The following GTF2I variants were observed in gnomAD, a reference collection of about 807,000 sequenced individuals.
GTF2I encodes general transcription factor IIi.
Under a neutral mutation model 67.6 loss-of-function variants are expected in GTF2I, and 12 were observed. That is an observed-to-expected ratio of 0.18 (90% confidence interval 0.11 to 0.29). The LOEUF is 0.29. Ranked by LOEUF, GTF2I falls within the 10% of genes least tolerant of loss-of-function variation. GTF2I has a pLI of 1.00. For synonymous variants in GTF2I, 149 were observed against 197.0 expected (o/e 0.76, Z 2.04); for missense variants, 271 against 580.1 (o/e 0.47, Z 5.47).
intron 1 of GTF2I, among the ~76,000 whole-genome samples, chr7:74,667,857 CAG>C (rs1345436944): frequency 6.9e-6 from 1 of 145,810 alleles, no homozygotes; most frequent in African/African-American, 2.6e-5. Context: ...TTTTTTGAGA[CAG>C]AGTCTTGCTT....
Position 74,685,745 on chromosome 7 carries a change from C to T in GTF2I, c.-5-3379C>T, listed in dbSNP as rs587773246. ...ACGTGCCACTGCACTCCAGCCTCGGCGATAGAGCTAGACTCCGTCTTAAAA... is the reference window on the plus strand; with the variant it reads ...ACGTGCCACTGCACTCCAGCCTCGGTGATAGAGCTAGACTCCGTCTTAAAA... On this transcript the variant is annotated intron_variant, in intron 1 of 34. Coordinates refer to ENST00000573035, the MANE Select transcript of GTF2I (RefSeq NM_032999.4). 4.6e-3 allele frequency among the ~76,000 whole-genome samples: 691 copies of T among 150,236 alleles called. 9 individuals are homozygous for T. The highest frequency in any genetic ancestry group is 0.016 in the African/African-American group (662 of 40,780).
chr7:74,667,990 C>T (rs587759253), intron 1 of GTF2I, among the ~76,000 whole-genome samples: 1 of 151,894 alleles, frequency 6.6e-6, no homozygotes, highest in East Asian at 1.9e-4. Context: ...CGCACCACCA[C>T]GCCCAGCTAA....
intron 3 of GTF2I, among the ~76,000 whole-genome samples, chr7:74,694,495 G>A (rs587624138): frequency 6.6e-5 from 10 of 152,290 alleles, no homozygotes; most frequent in Admixed American, 1.3e-4. Context: ...GCTGAGGTAC[G>A]AGAATCGCTT....
intron 12 of GTF2I, among the ~76,000 whole-genome samples, chr7:74,723,448 T>TTTTTTTTTTTA (rs1793342492): frequency 1.4e-5 from 2 of 143,736 alleles, no homozygotes; most frequent in Admixed American, 1.4e-4. Context: ...TTTTTTTTTT[T>TTTTTTTTTTTA]AAGACGGAGT....
intron 3 of GTF2I, among the ~76,000 whole-genome samples, chr7:74,693,548 A>C (rs1554397600): frequency 2.0e-5 from 3 of 151,806 alleles, no homozygotes; most frequent in African/African-American, 7.3e-5. Context: ...CCTGAGACAC[A>C]ATATTGAAAT....
chr7:74,697,403 A>T (rs1251675950), intron 3 of GTF2I, among the ~76,000 whole-genome samples: 1 of 152,132 alleles, frequency 6.6e-6, no homozygotes, highest in Admixed American at 6.6e-5. Flanking sequence ...CCAGAAAAAA[A>T]AAATTATTAA....
intron 1 of GTF2I, among the ~76,000 whole-genome samples, chr7:74,677,364 A>G (rs1805987857): frequency 6.6e-6 from 1 of 152,116 alleles, no homozygotes; most frequent in Non-Finnish European, 1.5e-5. Flanking sequence ...AGATGTCACT[A>G]ATTTTTCCCT....
intron 1 of GTF2I, among the ~76,000 whole-genome samples, chr7:74,662,976 T>G (rs1804656179): frequency 6.6e-6 from 1 of 152,148 alleles, no homozygotes; most frequent in African/African-American, 2.4e-5. Context: ...CCATGGCCAC[T>G]GTCCTATGTT....
chr7:74,725,671 C>A (rs1384406662), intron 12 of GTF2I, among the ~76,000 whole-genome samples: 1 of 152,024 alleles, frequency 6.6e-6, no homozygotes, highest in Non-Finnish European at 1.5e-5. Context: ...AGGAGGGAGA[C>A]CCTGTCTTAA....
chr7:74,732,315 A>G (rs587634007), intron 14 of GTF2I, among the ~76,000 whole-genome samples, 164 bp from the exon 15 acceptor site: 4 of 151,696 alleles, frequency 2.6e-5, no homozygotes, highest in African/African-American at 9.7e-5. Context: ...CAGAGCTTGC[A>G]GTGAACCGAG....
chr7:74,691,758 G>T (rs1463717993), intron 3 of GTF2I, among the ~76,000 whole-genome samples: 1 of 151,876 alleles, frequency 6.6e-6, no homozygotes, highest in East Asian at 1.9e-4. Flanking sequence ...CTTTTACTCA[G>T]ATAAGGAGTT....
intron 1 of GTF2I, among the ~76,000 whole-genome samples, chr7:74,658,868 A>G (rs1804202976): frequency 6.6e-6 from 1 of 152,086 alleles, no homozygotes; most frequent in South Asian, 2.1e-4. Flanking sequence ...AGTGCAGAGG[A>G]AGAAGGAAAA....
chr7:74,682,705 G>T (rs1416121031), intron 1 of GTF2I, among the ~76,000 whole-genome samples: 1 of 152,090 alleles, frequency 6.6e-6, no homozygotes, highest in Non-Finnish European at 1.5e-5. Context: ...CATGCATAAG[G>T]GTAAGAACCA....
intron 1 of GTF2I, among the ~76,000 whole-genome samples, chr7:74,685,860 T>G (rs1277676756): frequency 6.6e-6 from 1 of 151,164 alleles, no homozygotes; most frequent in Non-Finnish European, 1.5e-5. Context: ...GATACCATCC[T>G]GGCTAACATG....
rs1276594465 is a variant in GTF2I, at chr7:74,657,760, C to A, written c.-314C>A. 2.0e-5 allele frequency: 3 copies of A among 152,020 alleles called. No individual in the cohort carries two copies. Among genetic ancestry groups the A allele is most frequent in the Admixed American group, 6.6e-5 (1 of 15,240 alleles). The allele number at this position is 152,020 out of a possible 1,614,324, so 9.4% of individuals were successfully genotyped here. ...AGCAGAGAAAAGGGGCCACCGGTCGCCCCCCCGCTTCCCCGCACGCGCTCT... is the reference window on the plus strand; with the variant it reads ...AGCAGAGAAAAGGGGCCACCGGTCGACCCCCCGCTTCCCCGCACGCGCTCT... On this transcript the variant is annotated 5_prime_UTR_variant, in exon 1 of 35. Coordinates refer to ENST00000573035, the MANE Select transcript of GTF2I (RefSeq NM_032999.4).
At chr7:74,667,075 G>T (rs28584911) in intron 1 of GTF2I, among the ~76,000 whole-genome samples, 90,798 of 151,848 alleles carry the variant, frequency 0.6, 29,398 homozygotes, top group East Asian at 0.9. Context: ...AACCCTGGAG[G>T]CGGAGGTTGC....
At chr7:74,707,651 T>C (rs1451697066) in intron 8 of GTF2I, among the ~76,000 whole-genome samples, 1 of 152,218 alleles carries the variant, frequency 6.6e-6, no homozygotes, top group Non-Finnish European at 1.5e-5. Flanking sequence ...GGTTTTTCTT[T>C]TTTCTTTATT....
intron 1 of GTF2I, among the ~76,000 whole-genome samples, chr7:74,665,714 C>T (rs930477417): frequency 6.6e-6 from 1 of 152,110 alleles, no homozygotes; most frequent in African/African-American, 2.4e-5. Flanking sequence ...ATTGAGGAAG[C>T]GAAAATTTTA....
At chr7:74,663,128 C>T (rs782400061) in intron 1 of GTF2I, among the ~76,000 whole-genome samples, 4 of 152,142 alleles carry the variant, frequency 2.6e-5, no homozygotes, top group Admixed American at 1.3e-4. Flanking sequence ...TTCATTTCTA[C>T]TGTTGTTTCA....
Sources: allele counts gnomAD v4.1 joint callset (sites outside exome capture counted in the v4.1 genomes callset), GRCh38; gene constraint gnomAD v4.1.1; transcripts MANE v1.5; gene names NCBI Gene and HGNC (gene_info 2026-07-23, HGNC 2026-07-21).